Variants in TENM3 observed in about 807,000 individuals in gnomAD.
TENM3 encodes teneurin-3.
In TENM3, 63 loss-of-function variants were observed where a neutral mutation model predicts 255.1. The ratio of observed to expected loss-of-function variants is 0.25; its 90% confidence interval spans 0.20 to 0.30. The LOEUF is 0.30. Among genes scored for constraint, TENM3 ranks in the 10% least tolerant of loss-of-function variants. TENM3 has a pLI of 1.00. For synonymous variants in TENM3, 1,306 were observed against 1,322.3 expected (o/e 0.99, Z 0.27); for missense variants, 2,929 against 3,461.1 (o/e 0.85, Z 3.86).
At chr4:182,343,892 C>G (rs1010416072) in intron 2 of TENM3, among the ~76,000 whole-genome samples, 1 of 152,072 alleles carries the variant, frequency 6.6e-6, no homozygotes, top group Non-Finnish European at 1.5e-5. Context: ...GAAGTGACAA[C>G]AATAGAATGT....
At chr4:182,231,658 C>T (rs370151143) in intron 1 of TENM3, among the ~76,000 whole-genome samples, 1 of 152,178 alleles carries the variant, frequency 6.6e-6, no homozygotes, top group East Asian at 1.9e-4. Flanking sequence ...TCAGCTGTTT[C>T]AGGAGTGCCT....
chr4:181,612,519 T>A, the TENM3 span, among the ~76,000 whole-genome samples: 1 of 151,426 alleles, frequency 6.6e-6, no homozygotes, highest in Non-Finnish European at 1.5e-5. Context: ...TGTGTGTGTG[T>A]GTGTCAGAGA....
At chr4:182,671,772 C>G (rs1223754918) in intron 6 of TENM3, among the ~76,000 whole-genome samples, 1 of 152,206 alleles carries the variant, frequency 6.6e-6, no homozygotes, top group Non-Finnish European at 1.5e-5. Context: ...TCCCTTATCA[C>G]TGAGATGAGA....
chr4:181,959,722 G>T, the TENM3 span, among the ~76,000 whole-genome samples: 1 of 152,120 alleles, frequency 6.6e-6, no homozygotes, highest in Non-Finnish European at 1.5e-5. Context: ...ATTTTATATT[G>T]TTGGTGATGT....
rs576364152 is a variant in TENM3, at chr4:182,418,879, G to A, written c.511+71950G>A. Among the ~76,000 whole-genome samples the A allele has an allele frequency of 5.3e-4, 81 of 152,274 alleles. 1 individual carries two copies. The highest frequency in any genetic ancestry group is 1.9e-3 in the African/African-American group (77 of 41,566). On this transcript the variant is annotated intron_variant, in intron 3 of 27. Transcript: ENST00000511685. ...TGCCAGGCCAGGTCACAGGTCTTAA[G>A]AGTGGGATATGACTTGCTGGGGCCA...
chr4:182,474,052 A>G (rs946625806), intron 3 of TENM3, among the ~76,000 whole-genome samples: 20 of 152,172 alleles, frequency 1.3e-4, no homozygotes, highest in African/African-American at 4.6e-4. Context: ...TGGCTCTTTG[A>G]TTTGCTGCTC....
chr4:181,639,234 C>G, the TENM3 span, among the ~76,000 whole-genome samples: 1 of 152,000 alleles, frequency 6.6e-6, no homozygotes, highest in African/African-American at 2.4e-5. Flanking sequence ...GCATAATAAC[C>G]CAAATGAAAT....
chr4:181,736,514 C>T, the TENM3 span, among the ~76,000 whole-genome samples: 30 of 151,838 alleles, frequency 2.0e-4, 2 homozygotes, highest in South Asian at 4.0e-3. Flanking sequence ...TATATACTAA[C>T]GTGGCTGAGT....
At chr4:182,072,819 G>A in the TENM3 span, among the ~76,000 whole-genome samples, 1 of 152,132 alleles carries the variant, frequency 6.6e-6, no homozygotes, top group Non-Finnish European at 1.5e-5. Flanking sequence ...CTCTAAGATA[G>A]GTGCCGTGGA....
At chr4:181,645,475 C>T in the TENM3 span, among the ~76,000 whole-genome samples, 6 of 152,280 alleles carry the variant, frequency 3.9e-5, no homozygotes, top group Admixed American at 3.9e-4. Context: ...ACATTTGGTC[C>T]CCGGTCATCT....
intron 1 of TENM3, among the ~76,000 whole-genome samples, chr4:182,203,085 TG>T (rs796595514): frequency 6.6e-6 from 1 of 151,826 alleles, no homozygotes; most frequent in African/African-American, 2.4e-5. Flanking sequence ...GGCGTAGTGG[TG>T]GGTGCCTGTA....
intron 1 of TENM3, among the ~76,000 whole-genome samples, chr4:182,318,876 C>T (rs779896077): frequency 1.3e-4 from 19 of 151,888 alleles, no homozygotes; most frequent in Non-Finnish European, 2.5e-4. Context: ...CAAGCGATCC[C>T]CCTGTCTCAG....
chr4:181,452,185 T>C, the TENM3 span, among the ~76,000 whole-genome samples: 1 of 152,206 alleles, frequency 6.6e-6, no homozygotes, highest in East Asian at 1.9e-4. Flanking sequence ...ATATTGAAGA[T>C]GGTTGTTCTA....
intron 12 of TENM3, among the ~76,000 whole-genome samples, chr4:182,694,278 T>A (rs1757223188): frequency 6.6e-6 from 1 of 151,926 alleles, no homozygotes; most frequent in Admixed American, 6.6e-5. Flanking sequence ...CCTGGCTCAT[T>A]TTTTGTATTT....
At chr4:182,332,224 G>A (rs1403149187) in intron 2 of TENM3, among the ~76,000 whole-genome samples, 1 of 152,020 alleles carries the variant, frequency 6.6e-6, no homozygotes, top group Non-Finnish European at 1.5e-5. Context: ...ATGAAGAAAA[G>A]CACTTTTGCC....
chr4:182,132,667 G>A, the TENM3 span, among the ~76,000 whole-genome samples: 1 of 152,090 alleles, frequency 6.6e-6, no homozygotes, highest in African/African-American at 2.4e-5. Context: ...TATTTTCTTT[G>A]TGGAATTCAC....
intron 1 of TENM3, among the ~76,000 whole-genome samples, chr4:182,224,810 C>G: frequency 6.6e-6 from 1 of 150,930 alleles, no homozygotes; most frequent in East Asian, 2.0e-4. Flanking sequence ...GATTTCGGCT[C>G]ACTGTAAACT....
intron 16 of TENM3, among the ~76,000 whole-genome samples, chr4:182,731,366 G>A (rs554844750): frequency 1.3e-5 from 2 of 151,948 alleles, no homozygotes; most frequent in South Asian, 4.2e-4. Context: ...AAATTAGCCG[G>A]GCATGGTGAT....
At chr4:181,539,356 G>A in the TENM3 span, among the ~76,000 whole-genome samples, 8 of 152,182 alleles carry the variant, frequency 5.3e-5, no homozygotes, top group African/African-American at 1.9e-4. Flanking sequence ...ATGAAACATT[G>A]CCAATATTAT....
Sources: allele counts gnomAD v4.1 joint callset (sites outside exome capture counted in the v4.1 genomes callset), GRCh38; gene constraint gnomAD v4.1.1; transcripts MANE v1.5; gene names NCBI Gene and HGNC (gene_info 2026-07-23, HGNC 2026-07-21).